The following KCNIP4 variants were observed in gnomAD, a reference collection of about 807,000 sequenced individuals.
KCNIP4 encodes potassium voltage-gated channel interacting protein 4, also known as Kv channel-interacting protein 4.
Under a neutral mutation model 34.0 loss-of-function variants are expected in KCNIP4, and 12 were observed. That is an observed-to-expected ratio of 0.35 (90% CI 0.23 to 0.57). KCNIP4 has a LOEUF of 0.57. KCNIP4 is among the 20% of genes least tolerant of loss of function. The pLI is 0.83. For missense variants in KCNIP4, 238 were observed against 311.7 expected (o/e 0.76, Z 1.78); for synonymous variants, 124 against 102.2 (o/e 1.21, Z -1.29).
At chr4:21,379,707 C>T (rs970936928) in intron 1 of KCNIP4, among the ~76,000 whole-genome samples, 1 of 152,172 alleles carries the variant, frequency 6.6e-6, no homozygotes, top group African/African-American at 2.4e-5. Context: ...TTAAATCCTT[C>T]ATCCTTCAAG....
intron 1 of KCNIP4, among the ~76,000 whole-genome samples, chr4:21,192,940 C>CTAA (rs1193926686): frequency 1.0e-4 from 15 of 145,248 alleles, no homozygotes; most frequent in African/African-American, 3.8e-4. Flanking sequence ...ACTACTACTA[C>CTAA]TACTACTACT....
At chr4:21,812,830 A>G (rs1721742097) in intron 1 of KCNIP4, among the ~76,000 whole-genome samples, 1 of 152,152 alleles carries the variant, frequency 6.6e-6, no homozygotes, top group African/African-American at 2.4e-5. Context: ...TGGTTTACCT[A>G]CTGTCTCACC....
chr4:21,303,001 A>G (rs1711924212), intron 1 of KCNIP4, among the ~76,000 whole-genome samples: 1 of 152,192 alleles, frequency 6.6e-6, no homozygotes, highest in Non-Finnish European at 1.5e-5. Flanking sequence ...TAGAGAAACA[A>G]TGACTGGCTG....
At chr4:21,753,946 T>C (rs1353955006) in intron 1 of KCNIP4, among the ~76,000 whole-genome samples, 3 of 152,056 alleles carry the variant, frequency 2.0e-5, no homozygotes, top group African/African-American at 4.8e-5. Context: ...CACCAGGAAA[T>C]AGACAGACTC....
chr4:21,789,781 A>C (rs578115214), intron 1 of KCNIP4, among the ~76,000 whole-genome samples: 3 of 152,350 alleles, frequency 2.0e-5, no homozygotes, highest in Admixed American at 6.5e-5. Context: ...ACAAAGAAGA[A>C]ATCAAGGGAG....
chr4:21,758,273 T>C (rs1717802516), intron 1 of KCNIP4, among the ~76,000 whole-genome samples: 1 of 152,194 alleles, frequency 6.6e-6, no homozygotes, highest in South Asian at 2.1e-4. Flanking sequence ...TGGTAAAGAA[T>C]AGACAAGGCA....
In KCNIP4 at chr4:21,361,758, G is replaced by A. The variant is rs561024431; in HGVS notation, c.62-479049C>T. Among the ~76,000 whole-genome samples, 64 of 151,508 alleles carry A rather than the reference G, an allele frequency of 4.2e-4. No individual in the cohort carries two copies. The Middle Eastern group carries it at 0.014, about 32-fold the overall frequency. On this transcript the variant is annotated intron_variant, in intron 1 of 8. Coordinates refer to ENST00000382152, the MANE Select transcript of KCNIP4 (RefSeq NM_025221.6). ...CAAAGAGAAAAAAGAATGACAAACCGAGGGTTGTAATCCTAGAAAATTTAT... is the reference window on the plus strand; with the variant it reads ...CAAAGAGAAAAAAGAATGACAAACCAAGGGTTGTAATCCTAGAAAATTTAT...
At chr4:21,442,798 C>T (rs1727603962) in intron 1 of KCNIP4, among the ~76,000 whole-genome samples, 1 of 152,114 alleles carries the variant, frequency 6.6e-6, no homozygotes, top group African/African-American at 2.4e-5. Flanking sequence ...GCTTTAAATA[C>T]CTTTGATATG....
intron 1 of KCNIP4, among the ~76,000 whole-genome samples, chr4:21,170,677 G>A (rs1753959655): frequency 6.6e-6 from 1 of 152,152 alleles, no homozygotes; most frequent in Non-Finnish European, 1.5e-5. Context: ...ACAGTCATAT[G>A]TATTTTAAGA....
At chr4:21,350,237 C>T (rs1717875702) in intron 1 of KCNIP4, among the ~76,000 whole-genome samples, 1 of 152,098 alleles carries the variant, frequency 6.6e-6, no homozygotes, top group Non-Finnish European at 1.5e-5. Context: ...CTACTTGAGT[C>T]ATGCTCTATC....
intron 1 of KCNIP4, among the ~76,000 whole-genome samples, chr4:21,239,657 A>C (rs1759649476): frequency 6.6e-6 from 1 of 152,232 alleles, no homozygotes; most frequent in Non-Finnish European, 1.5e-5. Context: ...GATAAATGCA[A>C]ATCAAACCAC....
In KCNIP4 at chr4:21,881,284, C is replaced by T. The variant is rs553519172; in HGVS notation, c.61+67287G>A. On this transcript the variant is annotated intron_variant, in intron 1 of 8. Transcript: ENST00000382152. Reference sequence around the variant, plus strand: ...TATTGAAATAATGCAAATGAATAAACGTGCTATCATAATAGGGTGAATGTA... The same window carrying T: ...TATTGAAATAATGCAAATGAATAAATGTGCTATCATAATAGGGTGAATGTA... 8.9e-4 allele frequency among the ~76,000 whole-genome samples: 135 copies of T among 152,114 alleles called. 1 individual carries two copies. The highest frequency in any genetic ancestry group is 6.8e-3 in the Middle Eastern group (2 of 294).
intron 8 of KCNIP4, among the ~76,000 whole-genome samples, 166 bp from the exon 9 acceptor site, chr4:20,730,295 T>C (rs529091598): frequency 6.6e-6 from 1 of 152,244 alleles, no homozygotes; most frequent in Non-Finnish European, 1.5e-5. Flanking sequence ...TTCTATCCAT[T>C]TTCCACATAG....
At chr4:21,315,334 A>T (rs141616366) in intron 1 of KCNIP4, 4 of 154,194 alleles carry the variant, frequency 2.6e-5, no homozygotes, top group African/African-American at 9.6e-5. Flanking sequence ...CTTCCACTTA[A>T]TAAATGGTAA....
chr4:21,645,589 G>A (rs1213932319), intron 1 of KCNIP4, among the ~76,000 whole-genome samples: 1 of 152,038 alleles, frequency 6.6e-6, no homozygotes, highest in Non-Finnish European at 1.5e-5. Context: ...TCACAGATTG[G>A]GATCAATACC....
At chr4:21,089,474 G>A (rs1746782194) in intron 1 of KCNIP4, among the ~76,000 whole-genome samples, 1 of 152,160 alleles carries the variant, frequency 6.6e-6, no homozygotes, top group South Asian at 2.1e-4. Flanking sequence ...TTACAGCAAT[G>A]TGAGAATGAA....
chr4:21,244,253 A>G (rs1457363425), intron 1 of KCNIP4, among the ~76,000 whole-genome samples: 2 of 152,104 alleles, frequency 1.3e-5, no homozygotes, highest in Non-Finnish European at 2.9e-5. Context: ...CAAACATTTC[A>G]TTTTTCTTGC....
At chr4:21,194,924 T>C (rs1755948419) in intron 1 of KCNIP4, among the ~76,000 whole-genome samples, 2 of 152,218 alleles carry the variant, frequency 1.3e-5, no homozygotes, top group African/African-American at 2.4e-5. Context: ...ACACGTCCTC[T>C]GCTTTCACTA....
chr4:21,274,461 G>A (rs1392442196), intron 1 of KCNIP4, among the ~76,000 whole-genome samples: 1 of 152,120 alleles, frequency 6.6e-6, no homozygotes, highest in Non-Finnish European at 1.5e-5. Flanking sequence ...AACCAACGGA[G>A]CTAAGAGGAA....
Sources: allele counts gnomAD v4.1 joint callset (sites outside exome capture counted in the v4.1 genomes callset), GRCh38; gene constraint gnomAD v4.1.1; transcripts MANE v1.5; gene names NCBI Gene and HGNC (gene_info 2026-07-23, HGNC 2026-07-21).